DCHS1: variants seen among roughly 807,000 people sequenced by gnomAD.
The protein encoded by DCHS1 is dachsous cadherin-related 1.
A neutral mutation model predicts 213.9 loss-of-function variants in DCHS1; 78 were observed. The observed-to-expected ratio is 0.36, with a 90% CI of 0.30 to 0.44. The LOEUF (loss-of-function observed/expected upper bound fraction) is 0.44. Ranked by LOEUF, DCHS1 falls within the 20% of genes least tolerant of loss-of-function variation. DCHS1 has a pLI of 1.00. For synonymous variants in DCHS1, 1,828 were observed against 1,873.7 expected (o/e 0.98, Z 0.63); for missense variants, 3,946 against 4,395.9 (o/e 0.90, Z 2.89).
chr11:6,641,695 G>A lies in DCHS1; in HGVS notation c.-82C>T. ...AGCTTGACCTCAGACTTTGGGTCAG[G>A]TCCCACTGGGGCCCTGGCTCCAGCT... On this transcript the variant is annotated 5_prime_UTR_variant, in exon 2 of 21. Coordinates refer to ENST00000299441, the MANE Select transcript of DCHS1 (RefSeq NM_003737.4). This position sits in a 1 kb window ranked among gnomAD's most constrained non-coding sequence, Gnocchi z 7.1. The A allele has an allele frequency of 6.9e-7, 1 of 1,457,658 alleles. No homozygotes were observed. The highest frequency in any genetic ancestry group is 9.1e-7 in the Non-Finnish European group (1 of 1,103,994). The allele number at this position is 1,457,658 out of a possible 1,614,324, so 90.3% of individuals were successfully genotyped here.
chr11:6,630,935 G>A (rs1855897945), intron 9 of DCHS1, 72 bp from the exon 10 acceptor site: 2 of 1,497,336 alleles, frequency 1.3e-6, no homozygotes, highest in Admixed American at 4.7e-5. Context: ...TGGCTTCCCA[G>A]GTGGTAGGAA....
Position 6,640,711 on chromosome 11 carries a change from A to C in DCHS1, c.903T>G (p.Gly301=), listed in dbSNP as rs1589960645. ...GTGCGTCGATGGAGAAGGGTCCATC[A>C]CCCTCGCTCTGCCTCCGGTTGATCT... ...TYEINRRQSE[G]DGPFSIDAHT... Residue 301 remains glycine, a synonymous_variant, in exon 2 of 21, where the codon GGT becomes GGG. Coordinates refer to ENST00000299441, the MANE Select transcript of DCHS1 (RefSeq NM_003737.4). The surrounding 1 kb of genome is among the most constrained non-coding windows in gnomAD (Gnocchi z 6.5). The C allele has an allele frequency of 6.2e-7, 1 of 1,612,516 alleles. No homozygotes were observed.
At position 6,630,361 on chromosome 11, in the gene DCHS1, C is replaced by T; in HGVS notation, c.4433G>A (p.Arg1478His). ...AAGCGCCGGCACGGGCGGCTCCTGGCGCAGCAGGCGGTAGCGCACGTCGCT... is the reference window on the plus strand; with the variant it reads ...AAGCGCCGGCACGGGCGGCTCCTGGTGCAGCAGGCGGTAGCGCACGTCGCT... ...PNSDVRYRLL[R>H]QEPPVPALRL... The change falls in exon 10 of 21, where the codon CGC (arginine) becomes CAC (histidine). Residue 1478 changes from arginine (R) to histidine (H), a missense_variant. Arg to His is a conservative substitution (Grantham distance 29). Coordinates refer to ENST00000299441, the MANE Select transcript of DCHS1 (RefSeq NM_003737.4). 2 of 1,319,582 alleles carry T rather than the reference C, an allele frequency of 1.5e-6. No individual in the cohort carries two copies. The highest frequency in any genetic ancestry group is 1.9e-6 in the Non-Finnish European group (2 of 1,036,700). The allele number at this position is 1,319,582 out of a possible 1,614,324, so 81.7% of individuals were successfully genotyped here. A position where few individuals can be genotyped will look rare whatever the true frequency, so the allele number is the denominator to read the frequency against.
In DCHS1 at chr11:6,630,701, G is replaced by C; in HGVS notation, c.4093C>G (p.Leu1365Val). 1 of 1,545,586 alleles carries C rather than the reference G, an allele frequency of 6.5e-7. No homozygotes were observed. Among genetic ancestry groups the C allele is most frequent in the Non-Finnish European group, 8.7e-7 (1 of 1,148,446 alleles). The change falls in exon 10 of 21, where the codon CTC becomes GTC. Residue 1365 changes from leucine (L) to valine (V), a missense_variant. This residue lies in a region of DCHS1 where 3,384 missense variants were observed against 3,780.1 expected (regional missense o/e 0.90). Transcript: ENST00000299441. Reference sequence around the variant, plus strand: ...GCACCGCCCACCAGTGTGTAGGTGAGTGCACCCACACCCGCGGGCTCTGGC... The same window carrying C: ...GCACCGCCCACCAGTGTGTAGGTGACTGCACCCACACCCGCGGGCTCTGGC... ...AAPEPAGVGA[L>V]TYTLVGGADP...
Position 6,628,780 on chromosome 11 carries a change from G to A in DCHS1, c.5212C>T (p.Arg1738Ter), listed in dbSNP as rs759809675. The change falls in exon 13 of 21, where the codon CGA becomes TGA. Residue 1738 changes from arginine to a stop codon, truncating the protein, a stop_gained. Coordinates refer to ENST00000299441, the MANE Select transcript of DCHS1 (RefSeq NM_003737.4). LOFTEE classifies it high-confidence loss of function. The surrounding 1 kb of genome is among the most constrained non-coding windows in gnomAD (Gnocchi z 4.3). ...TCATTCTCATCCTCCACAGCCACTC[G>A]AACAGTGACATGCGTTAACTGAGGA... Reference protein sequence around the residue: ...SPPQLTHVTVRVAVEDENDHA... With the variant: ...SPPQLTHVTV The A allele has an allele frequency of 1.9e-6, 3 of 1,613,850 alleles. No individual in the cohort carries two copies. The highest frequency in any genetic ancestry group is 1.3e-5 in the African/African-American group (1 of 74,926).
In DCHS1 at chr11:6,629,685, G is replaced by A. The variant is rs1160142050; in HGVS notation, c.5022C>T (p.Thr1674=). ...PGTSLLTLRA[T]DPDVGANGQV... is the part of the protein sequence containing the mutation. ...CCCAGGTCTTACCCACGTCGGGGTC[G>A]GTTGCTCGCAGGGTGAGCAGAGATG... The change falls in exon 11 of 21, where the codon ACC becomes ACT. Residue 1674 remains threonine, a synonymous_variant. Transcript: ENST00000299441. 1 of 1,613,556 alleles carries A rather than the reference G, an allele frequency of 6.2e-7. No homozygotes were observed. Among genetic ancestry groups the A allele is most frequent in the Non-Finnish European group, 8.5e-7 (1 of 1,179,726 alleles).
Position 6,626,926 on chromosome 11 carries a change from A to G in DCHS1, c.6113T>C (p.Ile2038Thr), listed in dbSNP as rs768220924. 5.6e-6 allele frequency: 9 copies of G among 1,613,564 alleles called. No homozygotes were observed. The highest frequency in any genetic ancestry group is 7.6e-6 in the Non-Finnish European group (9 of 1,179,890). Reference protein sequence around the residue: ...ALGPRDRVLFIVATDLGRPAR... With the variant: ...ALGPRDRVLFTVATDLGRPAR... ...TGGACGGCCAAGATCAGTGGCCACA[A>G]TGAAGAGGACACGATCTCGGGGGCC... The change falls in exon 14 of 21, where the codon ATT becomes ACT. Residue 2038 changes from isoleucine to threonine, a missense_variant. This residue lies in a region of DCHS1 where 3,384 missense variants were observed against 3,780.1 expected (regional missense o/e 0.90). Coordinates refer to ENST00000299441, the MANE Select transcript of DCHS1 (RefSeq NM_003737.4). The surrounding 1 kb of genome is among the most constrained non-coding windows in gnomAD (Gnocchi z 5.2).
chr11:6,635,615 G>C (rs1404609248), intron 2 of DCHS1, among the ~76,000 whole-genome samples: 1 of 152,148 alleles, frequency 6.6e-6, no homozygotes, highest in Non-Finnish European at 1.5e-5. Context: ...GAGACACCAA[G>C]ACCCTGCCAT....
chr11:6,633,613 C>T lies in DCHS1; in HGVS notation c.2254G>A (p.Ala752Thr), dbSNP rs1855945845. The T allele has an allele frequency of 6.3e-7, 1 of 1,598,590 alleles. No homozygotes were observed. The change falls in exon 5 of 21, where the codon GCC becomes ACC. Residue 752 changes from alanine (A) to threonine (T), a missense_variant. Physicochemically the swap from Ala to Thr is moderately conservative, Grantham distance 58. Transcript: ENST00000299441. ...ATCTCCAGCTGCACCACAGAATTGG[C>T]CCGTCTGGCCAAGGGCCAGGCTACT... The part of the protein sequence containing the change: ...LTVAWPLARR[A>T]NSVVQLEIGA...
At position 6,632,871 on chromosome 11, in the gene DCHS1, G is replaced by A. The variant is rs760313532; in HGVS notation, c.2641C>T (p.Arg881Cys). 2.1e-5 allele frequency: 34 copies of A among 1,613,904 alleles called. No homozygotes were observed. The highest frequency in any genetic ancestry group is 2.7e-5 in the Non-Finnish European group (32 of 1,179,894). The change falls in exon 6 of 21, where the codon CGT becomes TGT. Residue 881 changes from arginine to cysteine, a missense_variant. Transcript: ENST00000299441. The surrounding 1 kb of genome is among the most constrained non-coding windows in gnomAD (Gnocchi z 5.9). The stretch of plus-strand genomic sequence containing the variant: ...TCATTCACATCATCCAGCAGCACAC[G>A]CACCCGAGCTACAGCGAAAGCTGGG... ...VPPAFAVARV[R>C]VLLDDVNDNS... is the part of the protein sequence containing the mutation.
At position 6,632,448 on chromosome 11, in the gene DCHS1, C is replaced by A. The variant is rs771633156; in HGVS notation, c.3064G>T (p.Val1022Leu). Residue 1022 changes from valine to leucine, a missense_variant, in exon 6 of 21, where the codon GTG (valine) becomes TTG (leucine). Coordinates refer to ENST00000299441, the MANE Select transcript of DCHS1 (RefSeq NM_003737.4). The surrounding 1 kb of genome is among the most constrained non-coding windows in gnomAD (Gnocchi z 5.9). Reference protein sequence around the residue: ...GTTAGTQVLQVQAQAPDGGPI... With the variant: ...GTTAGTQVLQLQAQAPDGGPI... ...CCCCCATCTGGTGCTTGGGCCTGCA[C>A]TTGCAGGACCTGAGTTCCAGCAGTG... is the stretch of plus-strand genomic sequence containing the variant. 2 of 1,600,540 alleles carry A rather than the reference C, an allele frequency of 1.2e-6. No individual in the cohort carries two copies. Among genetic ancestry groups the A allele is most frequent in the Middle Eastern group, 3.3e-4 (2 of 5,982 alleles).
Position 6,651,467 on chromosome 11 carries a change from A to T in DCHS1, c.-121+4096T>A, listed in dbSNP as rs151031424. On this transcript the variant is annotated intron_variant, in intron 1 of 20. Coordinates refer to ENST00000299441, the MANE Select transcript of DCHS1 (RefSeq NM_003737.4). ...AGACTATGATCTCATAACCTTTGTT[A>T]AAAAGAAAAGATTTTGTTCAAGGAA... Among the ~76,000 whole-genome samples the T allele has an allele frequency of 2.6e-5, 4 of 152,330 alleles. No homozygotes were observed. The East Asian group carries it at 7.7e-4, about 29-fold the overall frequency.
rs1430813623 is a variant in DCHS1, at chr11:6,646,119, T to C, written c.-120-4386A>G. On this transcript the variant is annotated intron_variant, in intron 1 of 20. Coordinates refer to ENST00000299441, the MANE Select transcript of DCHS1 (RefSeq NM_003737.4). ...TCACACCCTCTGATATGCCCCCACA[T>C]ACACACACACACCCACCCTCCACAC... is the stretch of plus-strand genomic sequence containing the variant. 2.0e-5 allele frequency among the ~76,000 whole-genome samples: 3 copies of C among 151,244 alleles called. No individual in the cohort carries two copies. In the East Asian group the frequency reaches 5.8e-4, roughly 29 times the overall value.
intron 12 of DCHS1, 114 bp downstream of exon 12, chr11:6,629,338 G>A: frequency 1.4e-6 from 2 of 1,424,304 alleles, no homozygotes; most frequent in South Asian, 1.4e-5. Context: ...CATAACAGGA[G>A]CTTTGTGGTA....
chr11:6,626,924 C>T lies in DCHS1; in HGVS notation c.6115G>A (p.Val2039Met). 1 of 1,613,658 alleles carries T rather than the reference C, an allele frequency of 6.2e-7. No individual in the cohort carries two copies. Among genetic ancestry groups the T allele is most frequent in the Non-Finnish European group, 8.5e-7 (1 of 1,179,884 alleles). ...GCTGGACGGCCAAGATCAGTGGCCA[C>T]AATGAAGAGGACACGATCTCGGGGG... ...LGPRDRVLFI[V>M]ATDLGRPARS... is the part of the protein sequence containing the mutation. The change falls in exon 14 of 21, where the codon GTG becomes ATG. Residue 2039 changes from valine to methionine, a missense_variant. Physicochemically the swap from Val to Met is conservative, Grantham distance 21. Transcript: ENST00000299441. The surrounding 1 kb of genome is among the most constrained non-coding windows in gnomAD (Gnocchi z 5.2).
chr11:6,654,509 C>T (rs1214931314), intron 1 of DCHS1, among the ~76,000 whole-genome samples: 1 of 151,968 alleles, frequency 6.6e-6, no homozygotes, highest in African/African-American at 2.4e-5. Flanking sequence ...GACAATGAAC[C>T]GGTGGGAGTA....
In DCHS1 at chr11:6,633,501, A is replaced by G. The variant is rs1396604638; in HGVS notation, c.2366T>C (p.Ile789Thr). ...AAAAACATACTGTAGTTGCTCAAAT[A>G]TGGGTGGTGTGGGGGTTCCAGGCAC... ...SIVPGTPTPP[I>T]FEQLQYVFSV... Residue 789 changes from isoleucine (I) to threonine (T), a missense_variant, in exon 5 of 21, where the codon ATA becomes ACA. By Grantham distance (89) the Ile-to-Thr change is moderately conservative (BLOSUM62 -1). This residue lies in a region of DCHS1 where 3,384 missense variants were observed against 3,780.1 expected (regional missense o/e 0.90). Coordinates refer to ENST00000299441, the MANE Select transcript of DCHS1 (RefSeq NM_003737.4). 1.3e-6 allele frequency: 2 copies of G among 1,583,092 alleles called. No individual in the cohort carries two copies. Among genetic ancestry groups the G allele is most frequent in the Admixed American group, 3.6e-5 (2 of 55,292 alleles).
chr11:6,623,669 G>C lies in DCHS1; in HGVS notation c.8007C>G (p.Thr2669=). The change falls in exon 21 of 21, where the codon ACC becomes ACG. Residue 2669 remains threonine (T), a synonymous_variant. Transcript: ENST00000299441. ...GTACTACAAGCTGATGTCGAGCCTGGGTCTCACAGTCCAGGGCATGGGCCA... is the reference window on the plus strand; with the variant it reads ...GTACTACAAGCTGATGTCGAGCCTGCGTCTCACAGTCCAGGGCATGGGCCA... ...LRLAHALDCE[T]QARHQLVVQA... 1 of 1,613,818 alleles carries C rather than the reference G, an allele frequency of 6.2e-7. No homozygotes were observed. The highest frequency in any genetic ancestry group is 8.5e-7 in the Non-Finnish European group (1 of 1,179,896).
At chr11:6,654,936 T>C (rs960456844) in intron 1 of DCHS1, among the ~76,000 whole-genome samples, 1 of 152,040 alleles carries the variant, frequency 6.6e-6, no homozygotes, top group Non-Finnish European at 1.5e-5. Context: ...GAGCTGGGTA[T>C]CCCAGACACA....
Sources: gnomAD v4.1 joint callset for allele counts (sites outside exome capture counted in the v4.1 genomes callset) on GRCh38, gnomAD v4.1.1 for gene constraint, gnomAD v4.1.1 regional missense constraint, Gnocchi (gnomAD v3.1) non-coding constraint, MANE v1.5 for transcripts, NCBI Gene and HGNC (gene_info 2026-07-23, HGNC 2026-07-21) for gene names.